The following AFAP1L2 variants were observed in gnomAD, a reference collection of about 807,000 sequenced individuals.
AFAP1L2 encodes actin filament associated protein 1 like 2, also known as actin filament-associated protein 1-like 2.
AFAP1L2 carries 46 observed loss-of-function variants against 99.3 expected under a neutral mutation model. That is an observed-to-expected ratio of 0.46 (90% CI 0.37 to 0.59). AFAP1L2 has a LOEUF of 0.59. AFAP1L2 is among the 20% of genes least tolerant of loss of function. The probability of loss-of-function intolerance (pLI) is 0.00; values close to 1 mark genes in which losing one functional copy is unlikely to be tolerated. For missense variants in AFAP1L2, 959 were observed against 1,034.9 expected, an observed-to-expected ratio of 0.93 and a Z score of 1.01; for synonymous variants, 397 against 419.1, an observed-to-expected ratio of 0.95 and a Z score of 0.64.
chr10:114,373,586 T>C (rs2054412106), intron 1 of AFAP1L2, among the ~76,000 whole-genome samples: 1 of 150,812 alleles, frequency 6.6e-6, no homozygotes, highest in Non-Finnish European at 1.5e-5. Context: ...GATTGTGCTA[T>C]TGCACTCCAG....
chr10:114,366,379 T>C lies in AFAP1L2; in HGVS notation c.17-25648A>G, dbSNP rs191602183. On this transcript the variant is annotated intron_variant, in intron 1 of 18. Coordinates refer to ENST00000304129, the MANE Select transcript of AFAP1L2 (RefSeq NM_001001936.3). Reference sequence around the variant, plus strand: ...AAGACCCAAGGGCAGAGATGATCAATGGAAGGGCAGTGCAGGACCCACTGG... The same window carrying C: ...AAGACCCAAGGGCAGAGATGATCAACGGAAGGGCAGTGCAGGACCCACTGG... 1.1e-4 allele frequency among the ~76,000 whole-genome samples: 17 copies of C among 152,270 alleles called. No individual in the cohort carries two copies. In the East Asian group the frequency reaches 3.3e-3, roughly 29 times the overall value.
At chr10:114,344,321 T>G (rs1351946439) in intron 1 of AFAP1L2, among the ~76,000 whole-genome samples, 1 of 152,190 alleles carries the variant, frequency 6.6e-6, no homozygotes, top group Non-Finnish European at 1.5e-5. Flanking sequence ...ACAGTGAGCC[T>G]TGAACTCAAC....
chr10:114,369,487 C>G (rs1015519962), intron 1 of AFAP1L2, among the ~76,000 whole-genome samples: 2 of 148,374 alleles, frequency 1.3e-5, no homozygotes, highest in Admixed American at 1.4e-4. Flanking sequence ...CCCAGCTACT[C>G]GGGAGGCTGA....
chr10:114,289,629 C>T, the AFAP1L2 span: 2 of 917,688 alleles, frequency 2.2e-6, no homozygotes, highest in Non-Finnish European at 3.4e-6. Context: ...CTGTGCTAAA[C>T]CCCATGCTCA....
At chr10:114,289,093 G>A in the AFAP1L2 span, 1 of 1,614,212 alleles carries the variant, frequency 6.2e-7, no homozygotes, top group Non-Finnish European at 8.5e-7. Flanking sequence ...GGTGGTGTAT[G>A]GCAGCCAGGT....
At chr10:114,353,970 G>A (rs149293094) in intron 1 of AFAP1L2, among the ~76,000 whole-genome samples, 5 of 152,298 alleles carry the variant, frequency 3.3e-5, no homozygotes, top group South Asian at 2.1e-4. Context: ...GAGTGCTGAC[G>A]GATTTCAAGA....
intron 8 of AFAP1L2, 130 bp from the exon 9 acceptor site, chr10:114,308,647 C>G: frequency 2.7e-6 from 2 of 753,918 alleles, no homozygotes; most frequent in Non-Finnish European, 4.3e-6. Flanking sequence ...TCCCTGCCGG[C>G]CACCTAAACG....
At chr10:114,402,116 CT>C in intron 1 of AFAP1L2, among the ~76,000 whole-genome samples, 1 of 152,142 alleles carries the variant, frequency 6.6e-6, no homozygotes, top group Non-Finnish European at 1.5e-5. Flanking sequence ...AATAAACCTG[CT>C]TTTTCCGTTT....
chr10:114,280,889 C>T, the AFAP1L2 span: 1 of 152,116 alleles, frequency 6.6e-6, no homozygotes, highest in African/African-American at 2.4e-5. Flanking sequence ...CAGACACGCA[C>T]CACCGTGGCC....
intron 1 of AFAP1L2, among the ~76,000 whole-genome samples, chr10:114,350,159 G>A (rs969852097): frequency 2.0e-5 from 3 of 152,124 alleles, no homozygotes; most frequent in African/African-American, 7.2e-5. Flanking sequence ...CAGGGCCTTT[G>A]AAAATTCACA....
intron 7 of AFAP1L2, among the ~76,000 whole-genome samples, chr10:114,312,458 C>T (rs2043405868): frequency 1.3e-5 from 2 of 152,106 alleles, no homozygotes. Flanking sequence ...AAACCAACAG[C>T]CCAGAGCTCT....
the AFAP1L2 span, among the ~76,000 whole-genome samples, chr10:114,287,693 TA>T: frequency 1.4e-4 from 22 of 152,062 alleles, no homozygotes; most frequent in South Asian, 4.1e-4. Context: ...TTGGATTTTT[TA>T]AAAAAAATAA....
chr10:114,380,896 G>A (rs967117288), intron 1 of AFAP1L2, among the ~76,000 whole-genome samples: 9 of 152,258 alleles, frequency 5.9e-5, no homozygotes, highest in Admixed American at 5.2e-4. Flanking sequence ...TAGTGGGTAT[G>A]TAAAATGGTG....
Position 114,302,461 on chromosome 10 carries a change from G to A in AFAP1L2, c.1308C>T (p.Gly436=), listed in dbSNP as rs1432297012. 6.2e-7 allele frequency: 1 copy of A among 1,614,088 alleles called. No individual in the cohort carries two copies. Among genetic ancestry groups the A allele is most frequent in the East Asian group, 2.2e-5 (1 of 44,870 alleles). ...KLEAKSSEEM[G]HWLGLLLSES... ...CAGAGAGCAGGAGACCCAGCCAGTG[G>A]CCCATTTCCTCGGAAGACTTGGCCT... The change falls in exon 12 of 19, where the codon GGC becomes GGT. Residue 436 remains glycine, a synonymous_variant. Transcript: ENST00000304129.
intron 15 of AFAP1L2, 135 bp from the exon 16 acceptor site, chr10:114,299,550 A>C (rs2040786559): frequency 1.0e-6 from 1 of 999,670 alleles, no homozygotes; most frequent in South Asian, 1.7e-5. Flanking sequence ...AGACCTGGAC[A>C]GGTCCCTCTA....
chr10:114,335,339 A>C (rs139194923), intron 2 of AFAP1L2, among the ~76,000 whole-genome samples: 1 of 152,150 alleles, frequency 6.6e-6, no homozygotes, highest in Non-Finnish European at 1.5e-5. Context: ...ATGGCCGGGC[A>C]CGGTGGCTCA....
At chr10:114,402,652 T>C (rs1404333872) in intron 1 of AFAP1L2, among the ~76,000 whole-genome samples, 1 of 152,174 alleles carries the variant, frequency 6.6e-6, no homozygotes, top group Non-Finnish European at 1.5e-5. Flanking sequence ...GGTGGGAGGA[T>C]TTTAAGCTCC....
At chr10:114,337,233 G>A (rs372107634) in intron 2 of AFAP1L2, among the ~76,000 whole-genome samples, 6 of 152,384 alleles carry the variant, frequency 3.9e-5, no homozygotes, top group South Asian at 4.1e-4. Context: ...CCTCAGAGCC[G>A]TGTGCCCTCA....
downstream of AFAP1L2, chr10:114,289,921 G>A: frequency 3.2e-6 from 1 of 316,314 alleles, no homozygotes; most frequent in Non-Finnish European, 5.9e-6. Context: ...GAACCCGGGA[G>A]GTGGAGGTTG....
Sources: gnomAD v4.1 joint callset for allele counts (sites outside exome capture counted in the v4.1 genomes callset) on GRCh38, gnomAD v4.1.1 for gene constraint, MANE v1.5 for transcripts, NCBI Gene and HGNC (gene_info 2026-07-23, HGNC 2026-07-21) for gene names.